Variants in LOC400499 observed in about 807,000 individuals in gnomAD.
At chr16:11,423,411 C>T in the LOC400499 span, among the ~76,000 whole-genome samples, 1,814 of 152,330 alleles carry the variant, frequency 0.012, 46 homozygotes, top group African/African-American at 0.041. Flanking sequence ...GACTTGAGGG[C>T]GAAGCCACGG....
chr16:11,484,990 T>C, the LOC400499 span: 1 of 399,108 alleles, frequency 2.5e-6, no homozygotes. Flanking sequence ...GCTCAGGCTC[T>C]CTCCCGTCTT....
At chr16:11,404,904 C>G in the LOC400499 span, 12 of 398,678 alleles carry the variant, frequency 3.0e-5, no homozygotes, top group African/African-American at 2.5e-4. Flanking sequence ...GAACCCGACC[C>G]ATGCTTCTGC....
chr16:11,442,167 G>C, the LOC400499 span: 1 of 152,110 alleles, frequency 6.6e-6, no homozygotes, highest in Non-Finnish European at 1.5e-5. Context: ...AGAGAAATAA[G>C]GGTCCAAGAC....
At chr16:11,481,166 G>A in the LOC400499 span, among the ~76,000 whole-genome samples, 1 of 152,214 alleles carries the variant, frequency 6.6e-6, no homozygotes, top group African/African-American at 2.4e-5. Context: ...ATAGAGACAG[G>A]AAGCAAATTG....
chr16:11,476,457 T>G, the LOC400499 span, among the ~76,000 whole-genome samples: 1 of 151,812 alleles, frequency 6.6e-6, no homozygotes, highest in Non-Finnish European at 1.5e-5. Context: ...ACACACATGC[T>G]CGTGGACACA....
the LOC400499 span, among the ~76,000 whole-genome samples, chr16:11,474,260 G>A: frequency 6.6e-6 from 1 of 152,168 alleles, no homozygotes; most frequent in Non-Finnish European, 1.5e-5. Flanking sequence ...CAAATGAAGG[G>A]GGTGTGCTGC....
chr16:11,392,628 G>C, the LOC400499 span: 1 of 492,372 alleles, frequency 2.0e-6, no homozygotes, highest in Non-Finnish European at 3.2e-6. Flanking sequence ...TGAGAACCTT[G>C]AGCTGCACCA....
chr16:11,519,611 G>A, the LOC400499 span, among the ~76,000 whole-genome samples: 1 of 151,580 alleles, frequency 6.6e-6, no homozygotes, highest in Non-Finnish European at 1.5e-5. Context: ...TTTAAAGGAT[G>A]AAGTTCTGCT....
the LOC400499 span, among the ~76,000 whole-genome samples, chr16:11,423,005 T>C: frequency 7.1e-6 from 1 of 140,896 alleles, no homozygotes; most frequent in East Asian, 2.2e-4. Context: ...TCCAGGTGCA[T>C]GTCACCAGGG....
the LOC400499 span, among the ~76,000 whole-genome samples, chr16:11,520,664 C>CAAAAAAA: frequency 1.6e-5 from 1 of 63,152 alleles, no homozygotes; most frequent in Non-Finnish European, 3.0e-5. Flanking sequence ...GAGACTCCAT[C>CAAAAAAA]AAAAAAAAAA....
chr16:11,407,898 T>C, the LOC400499 span, among the ~76,000 whole-genome samples: 1 of 151,600 alleles, frequency 6.6e-6, no homozygotes, highest in South Asian at 2.1e-4. Flanking sequence ...GGGGAACTTA[T>C]TAAAAATACA....
At chr16:11,383,525 A>G in the LOC400499 span, 1 of 1,108,822 alleles carries the variant, frequency 9.0e-7, no homozygotes, top group Non-Finnish European at 1.1e-6. Flanking sequence ...TGTGACTCTT[A>G]GCTCCTTGAA....
the LOC400499 span, among the ~76,000 whole-genome samples, chr16:11,378,725 C>A: frequency 6.6e-6 from 1 of 152,194 alleles, no homozygotes; most frequent in African/African-American, 2.4e-5. Flanking sequence ...GTTTAGTTCC[C>A]ACATATTTGT....
At chr16:11,411,477 C>T in the LOC400499 span, 5 of 396,724 alleles carry the variant, frequency 1.3e-5, no homozygotes, top group African/African-American at 2.1e-5. Context: ...TATTCACACA[C>T]CCCGAGGCCC....
At chr16:11,408,275 C>A in the LOC400499 span, among the ~76,000 whole-genome samples, 1 of 152,122 alleles carries the variant, frequency 6.6e-6, no homozygotes, top group South Asian at 2.1e-4. Flanking sequence ...AGCTACCGCA[C>A]CCAGCCAAGA....
the LOC400499 span, chr16:11,402,338 C>T: frequency 1.0e-5 from 4 of 394,512 alleles, no homozygotes; most frequent in African/African-American, 6.2e-5. Context: ...CGCTTTGTCA[C>T]CATTACCACT....
chr16:11,411,282 C>G, the LOC400499 span: 1 of 399,372 alleles, frequency 2.5e-6, no homozygotes, highest in Non-Finnish European at 4.4e-6. Context: ...GGCAGAGACC[C>G]AGGAGGAAGG....
At chr16:11,393,808 G>A in the LOC400499 span, among the ~76,000 whole-genome samples, 1 of 152,202 alleles carries the variant, frequency 6.6e-6, no homozygotes, top group Non-Finnish European at 1.5e-5. Context: ...CCAGGATCAA[G>A]GGCTCACTCC....
At chr16:11,486,675 A>G in the LOC400499 span, among the ~76,000 whole-genome samples, 1 of 91,692 alleles carries the variant, frequency 1.1e-5, no homozygotes, top group Non-Finnish European at 2.1e-5. Flanking sequence ...GGGTAGGTGG[A>G]TGGGTGGATG....
Sources: gnomAD v4.1 joint callset for allele counts (sites outside exome capture counted in the v4.1 genomes callset) on GRCh38, gnomAD v4.1.1 for gene constraint, MANE v1.5 for transcripts.